Variants in SPATA7 observed in about 807,000 individuals in gnomAD.
SPATA7 encodes spermatogenesis associated 7.
Under a neutral mutation model 51.8 loss-of-function variants are expected in SPATA7, and 43 were observed. The ratio of observed to expected loss-of-function variants is 0.83; its 90% CI spans 0.65 to 1.07. SPATA7 has a LOEUF of 1.07. SPATA7 is among the 50% of genes least tolerant of loss of function. The pLI is 0.00. For missense variants in SPATA7, 683 were observed against 701.3 expected (o/e 0.97, Z 0.30); for synonymous variants, 230 against 252.8 (o/e 0.91, Z 0.86).
chr14:88,398,732 A>G (rs1370402445), intron 4 of SPATA7, among the ~76,000 whole-genome samples: 1 of 152,184 alleles, frequency 6.6e-6, no homozygotes, highest in East Asian at 1.9e-4. Flanking sequence ...GAATTTATGT[A>G]GAGTTTGAGA....
At chr14:88,430,210 A>T (rs538783376) in intron 8 of SPATA7, among the ~76,000 whole-genome samples, 1 of 152,200 alleles carries the variant, frequency 6.6e-6, no homozygotes, top group East Asian at 1.9e-4. Context: ...GCAGACCACT[A>T]GGGAAGTACA....
exon 4 of SPATA7, chr14:88,455,202 T>G: frequency 2.3e-6 from 1 of 427,134 alleles, no homozygotes; most frequent in Non-Finnish European, 4.7e-6. Flanking sequence ...TAGCAAATCT[T>G]TATTCAAGTG....
chr14:88,434,237 A>C (rs1000549736), intron 10 of SPATA7, among the ~76,000 whole-genome samples: 1 of 152,240 alleles, frequency 6.6e-6, no homozygotes, highest in Non-Finnish European at 1.5e-5. Flanking sequence ...AATTGTACCA[A>C]AAACCAGAAT....
chr14:88,391,259 A>G, intron 1 of SPATA7, 122 bp from the exon 2 acceptor site: 1 of 862,518 alleles, frequency 1.2e-6, no homozygotes, highest in Non-Finnish European at 1.8e-6. Flanking sequence ...AAACGCAATC[A>G]CCTTTTAGGA....
intron 2 of SPATA7, among the ~76,000 whole-genome samples, chr14:88,392,536 G>A (rs2075771764): frequency 6.6e-6 from 1 of 152,132 alleles, no homozygotes; most frequent in Non-Finnish European, 1.5e-5. Context: ...TTTAGTAGTG[G>A]CATCAAGCTC....
chr14:88,468,389 G>T, intron 4 of SPATA7: 1 of 945,750 alleles, frequency 1.1e-6, no homozygotes, highest in South Asian at 1.9e-5. Context: ...CCACCTTAGC[G>T]TCTTCTAGAA....
In SPATA7 at chr14:88,419,866, T is replaced by A. The variant is rs543328818; in HGVS notation, c.372+3022T>A. Among the ~76,000 whole-genome samples the A allele has an allele frequency of 9.2e-5, 14 of 152,174 alleles. No homozygotes were observed. In the South Asian group the frequency reaches 2.9e-3, roughly 32 times the overall value. The stretch of plus-strand genomic sequence containing the variant: ...TGGCTTCTTATTTCATACCTTCTAT[T>A]TGACTCAATGTGGTAGACAAAATTT... On this transcript the variant is annotated intron_variant, in intron 5 of 11. Transcript: ENST00000393545.
At chr14:88,418,916 T>A (rs1262648440) in intron 5 of SPATA7, among the ~76,000 whole-genome samples, 1 of 152,246 alleles carries the variant, frequency 6.6e-6, no homozygotes, top group Non-Finnish European at 1.5e-5. Context: ...ATCTATATTA[T>A]ATCCATTTCT....
intron 4 of SPATA7, among the ~76,000 whole-genome samples, chr14:88,399,587 C>T (rs1389164955): frequency 6.6e-6 from 1 of 152,136 alleles, no homozygotes; most frequent in Non-Finnish European, 1.5e-5. Flanking sequence ...CTGTGCTTTA[C>T]ATTTTTTTCT....
chr14:88,431,287 C>A (rs1321662225), intron 9 of SPATA7, 62 bp downstream of exon 9: 5 of 1,452,240 alleles, frequency 3.4e-6, no homozygotes, highest in Admixed American at 1.7e-5. Context: ...ATCAAAGAAA[C>A]CATATTAAAT....
intron 4 of SPATA7, among the ~76,000 whole-genome samples, chr14:88,415,000 C>T (rs2076437741): frequency 6.6e-6 from 1 of 151,958 alleles, no homozygotes; most frequent in Admixed American, 6.6e-5. Context: ...GAGTATGTTC[C>T]ACATGCAGAT....
intron 1 of SPATA7, among the ~76,000 whole-genome samples, chr14:88,390,722 C>A (rs2075720431): frequency 6.6e-6 from 1 of 152,050 alleles, no homozygotes; most frequent in Non-Finnish European, 1.5e-5. Flanking sequence ...GAATTCTGGA[C>A]AAGAAAAAAG....
exon 5 of SPATA7, chr14:88,470,033 G>A (rs2077435326): frequency 2.5e-6 from 4 of 1,613,034 alleles, no homozygotes; most frequent in Non-Finnish European, 3.4e-6. Flanking sequence ...AATCCCATTC[G>A]ATTCCACTGA....
intron 9 of SPATA7, 116 bp downstream of exon 9, chr14:88,431,341 TAATA>T: frequency 1.0e-6 from 1 of 977,260 alleles, no homozygotes; most frequent in South Asian, 1.3e-5. Context: ...AACTGGCAAG[TAATA>T]AATGTACATA....
intron 5 of SPATA7, among the ~76,000 whole-genome samples, chr14:88,418,891 C>T (rs10134839): frequency 0.05 from 7,625 of 152,216 alleles, 609 homozygotes; most frequent in African/African-American, 0.17. Flanking sequence ...CCTAATTGTA[C>T]TGTGATTAGG....
chr14:88,426,771 T>C, intron 6 of SPATA7, 67 bp downstream of exon 6: 1 of 1,390,034 alleles, frequency 7.2e-7, no homozygotes, highest in Non-Finnish European at 1.0e-6. Context: ...GAATTAATAT[T>C]CCTTGTTTTC....
intron 4 of SPATA7, among the ~76,000 whole-genome samples, chr14:88,412,595 ATCT>A (rs945147874): frequency 1.3e-5 from 2 of 152,126 alleles, no homozygotes; most frequent in African/African-American, 4.8e-5. Context: ...TCAAATGTTA[ATCT>A]TCTTTGTCAG....
chr14:88,391,935 G>A (rs1395723782), intron 2 of SPATA7, among the ~76,000 whole-genome samples: 1 of 152,142 alleles, frequency 6.6e-6, no homozygotes, highest in Admixed American at 6.5e-5. Context: ...ACATTTTTAA[G>A]GTAGGTTTTA....
At chr14:88,456,567 G>A (rs554791059), downstream of SPATA7, among the ~76,000 whole-genome samples, 1 of 152,116 alleles carries the variant, frequency 6.6e-6, no homozygotes, top group South Asian at 2.1e-4. Context: ...TTGTTGATGG[G>A]GTTGTTTGTT....
Sources: gnomAD v4.1 joint callset for allele counts (sites outside exome capture counted in the v4.1 genomes callset) on GRCh38, gnomAD v4.1.1 for gene constraint, MANE v1.5 for transcripts, NCBI Gene and HGNC (gene_info 2026-07-23, HGNC 2026-07-21) for gene names.